The following LRP2 variants were observed in gnomAD, a reference collection of about 807,000 sequenced individuals.
LRP2 encodes low-density lipoprotein receptor-related protein 2.
In LRP2, 172 loss-of-function variants were observed where a neutral mutation model predicts 531.0. That is an observed-to-expected ratio of 0.32 (90% CI 0.29 to 0.37). LRP2 has a LOEUF of 0.37. Among genes scored for constraint, LRP2 ranks in the 10% least tolerant of loss-of-function variants. The pLI is 1.00. For synonymous variants in LRP2, 1,992 were observed against 2,027.6 expected (o/e 0.98, Z 0.47); for missense variants, 5,167 against 5,868.3 (o/e 0.88, Z 3.90).
In LRP2 at chr2:169,193,806, T is replaced by C. The variant is rs761659109; in HGVS notation, c.8785A>G (p.Asn2929Asp). The C allele has an allele frequency of 6.2e-7, 1 of 1,614,156 alleles. No individual in the cohort carries two copies. Among genetic ancestry groups the C allele is most frequent in the East Asian group, 2.2e-5 (1 of 44,876 alleles). ...IPSEWICDGDNDCGDMSDEDK... is the reference protein window; with the variant it reads ...IPSEWICDGDDDCGDMSDEDK... ...TCGTCACTCATATCCCCACAGTCAT[T>C]ATCACCGTCACAGATCCATTCGCTT... Residue 2929 changes from asparagine to aspartate, a missense_variant, in exon 47 of 79, where the codon AAT becomes GAT. This residue lies in a region of LRP2 where 1,129 missense variants were observed against 1,362.7 expected (regional missense o/e 0.83). Coordinates refer to ENST00000649046, the MANE Select transcript of LRP2 (RefSeq NM_004525.3).
intron 59 of LRP2, among the ~76,000 whole-genome samples, 168 bp downstream of exon 59, chr2:169,170,383 G>C (rs1464141201): frequency 6.6e-6 from 1 of 152,154 alleles, no homozygotes; most frequent in Non-Finnish European, 1.5e-5. Flanking sequence ...TATGAGTTAA[G>C]AATAATGCAT....
chr2:169,204,414 G>T, intron 41 of LRP2, 143 bp from the exon 42 acceptor site: 1 of 769,950 alleles, frequency 1.3e-6, no homozygotes, highest in Non-Finnish European at 2.2e-6. Flanking sequence ...AGCTGGAAAT[G>T]TTTCTTCTGG....
intron 76 of LRP2, among the ~76,000 whole-genome samples, chr2:169,136,504 T>C (rs567666961): frequency 4.6e-5 from 7 of 152,178 alleles, no homozygotes; most frequent in Non-Finnish European, 7.4e-5. Flanking sequence ...AATGGCCTGT[T>C]CCTGCCTTAA....
chr2:169,128,686 C>T lies in LRP2; in HGVS notation c.13945G>A (p.Val4649Ile). The T allele has an allele frequency of 6.2e-7, 1 of 1,614,074 alleles. No individual in the cohort carries two copies. Among genetic ancestry groups the T allele is most frequent in the Non-Finnish European group, 8.5e-7 (1 of 1,179,968 alleles). ...AGCTATACTTCAGAGTCTTCTTTAA[C>T]AAGATTTGCGGTGTCTTTAAAAGTG... ...EDTFKDTANLVKEDSEV is the reference protein window; with the variant it reads ...EDTFKDTANLIKEDSEV Residue 4649 changes from valine to isoleucine, a missense_variant, in exon 79 of 79, where the codon GTT becomes ATT. Coordinates refer to ENST00000649046, the MANE Select transcript of LRP2 (RefSeq NM_004525.3).
chr2:169,138,589 C>T lies in LRP2; in HGVS notation c.13506G>A (p.Arg4502=). ...SGFGPETAID[R]SMAMSEDFVM... is the part of the protein sequence containing the mutation. The stretch of plus-strand genomic sequence containing the variant: ...AAACCATACTCACCATTGCCATTGA[C>T]CTGTCAATAGCAGTCTCAGGTCCAA... Residue 4502 remains arginine (R), a synonymous_variant, in exon 75 of 79, where the codon AGG becomes AGA. Transcript: ENST00000649046. 6.2e-7 allele frequency: 1 copy of T among 1,613,918 alleles called. No individual in the cohort carries two copies. Among genetic ancestry groups the T allele is most frequent in the Admixed American group, 1.7e-5 (1 of 60,010 alleles).
chr2:169,139,906 G>A (rs200321374), intron 72 of LRP2, among the ~76,000 whole-genome samples: 2 of 152,298 alleles, frequency 1.3e-5, no homozygotes, highest in East Asian at 3.9e-4. Context: ...AGTACAAATG[G>A]AAACCATGGT....
rs751999402 is a variant in LRP2 at position 169,202,861 on chromosome 2, C to T, written c.8104G>A (p.Ala2702Thr). The T allele has an allele frequency of 3.7e-6, 6 of 1,614,194 alleles. No homozygotes were observed. The Admixed American group carries it at 6.7e-5, about 18-fold the overall frequency. Residue 2702 changes from alanine to threonine, a missense_variant, in exon 43 of 79, where the codon GCA (alanine) becomes ACA (threonine). By Grantham distance (58) the Ala-to-Thr change is moderately conservative. Coordinates refer to ENST00000649046, the MANE Select transcript of LRP2 (RefSeq NM_004525.3). ...CIVDNGERCGASSFTCSNGRC... is the reference protein window; with the variant it reads ...CIVDNGERCGTSSFTCSNGRC... The stretch of plus-strand genomic sequence containing the variant: ...CCATTGGAGCAGGTGAAGGAAGATG[C>T]ACCACATCGTTCACCATTGTCCACA...
chr2:169,162,606 A>G lies in LRP2; in HGVS notation c.11759-6T>C. 2 of 1,614,096 alleles carry G rather than the reference A, an allele frequency of 1.2e-6. No homozygotes were observed. On this transcript the variant is annotated splice_polypyrimidine_tract_variant and splice_region_variant and intron_variant, in intron 62 of 78. Coordinates refer to ENST00000649046, the MANE Select transcript of LRP2 (RefSeq NM_004525.3). ...TTTAGGGGTCGGTTTTCTACCTGCA[A>G]TGTAAAAACAAGTTAAAATCAAAAC...
In LRP2 at chr2:169,127,762, T is replaced by C. The variant is rs1011881494; in HGVS notation, c.*901A>G. 2.6e-5 allele frequency: 4 copies of C among 151,812 alleles called. No homozygotes were observed. The highest frequency in any genetic ancestry group is 9.7e-5 in the African/African-American group (4 of 41,156). The allele number at this position is 151,812 out of a possible 1,614,324, so 9.4% of individuals were successfully genotyped here. ...CTTTACTTAACTGGTATTTTTTTTT[T>C]TTGCACCTTATTTTATGAAGACACA... On this transcript the variant is annotated 3_prime_UTR_variant, in exon 79 of 79. Transcript: ENST00000649046.
chr2:169,286,363 C>A (rs895552939), intron 9 of LRP2, among the ~76,000 whole-genome samples: 1 of 152,196 alleles, frequency 6.6e-6, no homozygotes, highest in Non-Finnish European at 1.5e-5. Flanking sequence ...TGTTGTGGAA[C>A]TTAAAATTAG....
chr2:169,232,258 A>G (rs1413229315), intron 30 of LRP2, among the ~76,000 whole-genome samples: 1 of 151,872 alleles, frequency 6.6e-6, no homozygotes, highest in Non-Finnish European at 1.5e-5. Flanking sequence ...TAGTTTACCT[A>G]GAGTTTTCCA....
At position 169,201,716 on chromosome 2, in the gene LRP2, G is replaced by C. The variant is rs746387925; in HGVS notation, c.8364C>G (p.Cys2788Trp). Residue 2788 changes from cysteine to tryptophan, a missense_variant, in exon 44 of 79, where the codon TGC becomes TGG. Physicochemically the swap from Cys to Trp is radical, Grantham distance 215 (BLOSUM62 -2). Transcript: ENST00000649046. ...RDCNATTEFM[C>W]NNRRCIPREF... ...CACGAGGTATGCACCTTCTGTTATTGCACATAAACTCCGTGGTGGCATTGC... is the reference window on the plus strand; with the variant it reads ...CACGAGGTATGCACCTTCTGTTATTCCACATAAACTCCGTGGTGGCATTGC... 6.2e-7 allele frequency: 1 copy of C among 1,614,066 alleles called. No homozygotes were observed. Among genetic ancestry groups the C allele is most frequent in the Non-Finnish European group, 8.5e-7 (1 of 1,180,022 alleles).
At position 169,243,446 on chromosome 2, in the gene LRP2, A is replaced by G; in HGVS notation, c.3507T>C (p.Asp1169=). Residue 1169 remains aspartate, a synonymous_variant, in exon 23 of 79, where the codon GAT becomes GAC. Transcript: ENST00000649046. ...HRCIDLSFVC[D]GDKDCVDGSD... is the part of the protein sequence containing the mutation. ...ATCCATCAACACAATCCTTGTCACC[A>G]TCACAGACAAACGATAGGTCAATAC... 4 of 1,614,184 alleles carry G rather than the reference A, an allele frequency of 2.5e-6. No homozygotes were observed. Among genetic ancestry groups the G allele is most frequent in the Non-Finnish European group, 3.4e-6 (4 of 1,180,020 alleles).
chr2:169,294,113 C>T (rs749974023), intron 6 of LRP2, 35 bp downstream of exon 6: 4 of 1,442,328 alleles, frequency 2.8e-6, no homozygotes, highest in South Asian at 2.3e-5. Flanking sequence ...AAAACACTCC[C>T]AACAACATGA....
At chr2:169,152,253 A>G (rs539818513) in intron 67 of LRP2, among the ~76,000 whole-genome samples, 1 of 152,298 alleles carries the variant, frequency 6.6e-6, no homozygotes, top group East Asian at 1.9e-4. Context: ...CACCTCTATT[A>G]ACTCAATTCC....
At chr2:169,129,598 T>C (rs1208223325) in intron 77 of LRP2, among the ~76,000 whole-genome samples, 1 of 152,178 alleles carries the variant, frequency 6.6e-6, no homozygotes, top group African/African-American at 2.4e-5. Flanking sequence ...ATTTATTGAG[T>C]GCTTACTATG....
At chr2:169,259,745 C>A (rs200329035) in intron 16 of LRP2, among the ~76,000 whole-genome samples, 7 of 150,832 alleles carry the variant, frequency 4.6e-5, no homozygotes, top group African/African-American at 1.7e-4. Flanking sequence ...ACAACAACAA[C>A]AAAAAAAAAA....
chr2:169,308,936 C>T (rs1427154781), intron 3 of LRP2, among the ~76,000 whole-genome samples: 1 of 152,070 alleles, frequency 6.6e-6, no homozygotes, highest in Non-Finnish European at 1.5e-5. Context: ...GAGATGATAT[C>T]TCATTGTGGT....
In LRP2 at chr2:169,166,109, C is replaced by T. The variant is rs530896484; in HGVS notation, c.11636-55G>A. ...CAAGTTAACAGTAGAATCTAAGTGT[C>T]AATATCTAAAATACTCCAGTGTCAG... On this transcript the variant is annotated intron_variant, in intron 61 of 78. Coordinates refer to ENST00000649046, the MANE Select transcript of LRP2 (RefSeq NM_004525.3). 3.0e-5 allele frequency: 47 copies of T among 1,589,890 alleles called. No homozygotes were observed. In the South Asian group the frequency reaches 5.1e-4, roughly 17 times the overall value.
Sources: gnomAD v4.1 joint callset for allele counts (sites outside exome capture counted in the v4.1 genomes callset) on GRCh38, gnomAD v4.1.1 for gene constraint, gnomAD v4.1.1 regional missense constraint, MANE v1.5 for transcripts, NCBI Gene and HGNC (gene_info 2026-07-23, HGNC 2026-07-21) for gene names.